The following RFX4 variants were observed in gnomAD, a reference collection of about 807,000 sequenced individuals.
RFX4 encodes regulatory factor X4.
RFX4 carries 10 observed loss-of-function variants against 95.0 expected under a neutral mutation model. The ratio of observed to expected loss-of-function variants is 0.11; its 90% CI spans 0.06 to 0.18. The LOEUF is 0.18. Ranked by LOEUF, RFX4 falls within the 10% of genes least tolerant of loss-of-function variation. RFX4 has a pLI of 1.00. For missense variants in RFX4, 640 were observed against 922.0 expected (o/e 0.69, Z 3.96); for synonymous variants, 321 against 340.7 (o/e 0.94, Z 0.64).
chr12:106,610,601 A>G (rs2039940548), intron 2 of RFX4, among the ~76,000 whole-genome samples: 1 of 152,264 alleles, frequency 6.6e-6, no homozygotes, highest in Non-Finnish European at 1.5e-5. Flanking sequence ...CACTTAGCAT[A>G]ATGCCTTCAA....
At chr12:106,644,940 G>C (rs1057048600) in intron 3 of RFX4, among the ~76,000 whole-genome samples, 1 of 151,680 alleles carries the variant, frequency 6.6e-6, no homozygotes, top group African/African-American at 2.4e-5. Flanking sequence ...CCACCCGCCT[G>C]ACAGTGTCGA....
chr12:106,628,180 C>T (rs770944564), intron 2 of RFX4, among the ~76,000 whole-genome samples: 3 of 152,166 alleles, frequency 2.0e-5, no homozygotes, highest in Non-Finnish European at 4.4e-5. Context: ...GTCTATCTGT[C>T]CTCTCTTCAC....
intron 1 of RFX4, among the ~76,000 whole-genome samples, chr12:106,591,147 T>C (rs1003383632): frequency 3.3e-5 from 5 of 152,022 alleles, no homozygotes; most frequent in African/African-American, 7.2e-5. Flanking sequence ...CTTTCTTTCT[T>C]TTTTTCATTA....
intron 13 of RFX4, among the ~76,000 whole-genome samples, chr12:106,727,318 A>C (rs1173291571): frequency 6.6e-6 from 1 of 152,210 alleles, no homozygotes; most frequent in African/African-American, 2.4e-5. Flanking sequence ...TTAGCAAACT[A>C]GGAATAGAAG....
At chr12:106,642,022 T>TATCTATATCTATATCTA (rs2040641069) in intron 3 of RFX4, among the ~76,000 whole-genome samples, 1 of 151,006 alleles carries the variant, frequency 6.6e-6, no homozygotes, top group African/African-American at 2.4e-5. Context: ...TCTATATCTA[T>TATCTATATCTATATCTA]TTTTTGAGAT....
chr12:106,722,888 C>T (rs1001478327), intron 13 of RFX4, among the ~76,000 whole-genome samples: 3 of 152,242 alleles, frequency 2.0e-5, no homozygotes, highest in African/African-American at 7.2e-5. Flanking sequence ...GTCATGTGTT[C>T]CCTGTATGAA....
intron 4 of RFX4, among the ~76,000 whole-genome samples, chr12:106,673,062 A>T (rs1331747878): frequency 1.3e-5 from 2 of 152,180 alleles, no homozygotes; most frequent in African/African-American, 4.8e-5. Flanking sequence ...AACAGAACTA[A>T]ATATTCCAAC....
intron 4 of RFX4, among the ~76,000 whole-genome samples, chr12:106,671,320 C>A (rs2041276295): frequency 6.6e-6 from 1 of 152,024 alleles, no homozygotes; most frequent in Admixed American, 6.5e-5. Flanking sequence ...TGATCAAGAT[C>A]ATATTATTTG....
At chr12:106,729,019 A>C (rs922686561) in intron 13 of RFX4, among the ~76,000 whole-genome samples, 3 of 152,234 alleles carry the variant, frequency 2.0e-5, no homozygotes, top group Non-Finnish European at 4.4e-5. Context: ...TCCCTAAAGT[A>C]CCGGCTTCCA....
intron 2 of RFX4, among the ~76,000 whole-genome samples, chr12:106,619,006 C>A (rs868416592): frequency 6.6e-6 from 1 of 152,144 alleles, no homozygotes; most frequent in Non-Finnish European, 1.5e-5. Flanking sequence ...CCACTTCAAG[C>A]TCAGTGAAAG....
In RFX4 at chr12:106,601,230, G is replaced by A. The variant is rs573249755; in HGVS notation, c.44-7567G>A. The A allele has an allele frequency of 4.6e-5, 71 of 1,553,348 alleles. 1 individual carries two copies. In the South Asian group the frequency reaches 6.4e-4, roughly 14 times the overall value. On this transcript the variant is annotated intron_variant, in intron 1 of 17. Transcript: ENST00000392842. ...CTCCAAACTCCTGTGTGTCGCCACT[G>A]CCACCGGCAGGGAGCCAGGAGAGAG...
chr12:106,651,776 G>A (rs1036060037), intron 3 of RFX4, among the ~76,000 whole-genome samples: 3 of 152,148 alleles, frequency 2.0e-5, no homozygotes, highest in South Asian at 2.1e-4. Flanking sequence ...GTTGTCGTGC[G>A]GGAATATGGG....
chr12:106,708,827 A>G (rs560055420), intron 8 of RFX4, among the ~76,000 whole-genome samples: 2 of 152,276 alleles, frequency 1.3e-5, no homozygotes, highest in South Asian at 4.1e-4. Flanking sequence ...CTTGGAATCT[A>G]ATATGGTTTC....
chr12:106,711,105 C>T (rs570879311), intron 9 of RFX4, among the ~76,000 whole-genome samples: 5 of 152,252 alleles, frequency 3.3e-5, no homozygotes, highest in South Asian at 2.1e-4. Flanking sequence ...CAATTATTTA[C>T]GGGGAGAAGT....
chr12:106,741,288 C>CA (rs958014936), intron 15 of RFX4, among the ~76,000 whole-genome samples: 67 of 149,484 alleles, frequency 4.5e-4, no homozygotes, highest in African/African-American at 1.4e-3. Context: ...TCTCAAAAAA[C>CA]AAAAAAAAAG....
At position 106,646,431 on chromosome 12, in the gene RFX4, CAAAAAAAAA is replaced by C. The variant is rs56305939; in HGVS notation, c.191+7059_191+7067del. 3.5e-3 allele frequency among the ~76,000 whole-genome samples: 229 copies of C among 66,268 alleles called. 2 individuals are homozygous for C. In the East Asian group the frequency reaches 0.091, roughly 26 times the overall value. 43.5% of individuals were successfully genotyped at this position (66,268 alleles called of 152,430 possible). A position where few individuals can be genotyped will look rare whatever the true frequency, so the allele number is the denominator to read the frequency against. On this transcript the variant is annotated intron_variant, in intron 3 of 17. Transcript: ENST00000392842. ...GCTTAATACATTGCCTAGTTTTATC[CAAAAAAAAA>C]AAAAAAAAAAAAAAAAAAAGAGGGG...
intron 15 of RFX4, among the ~76,000 whole-genome samples, chr12:106,745,991 C>A (rs894147875): frequency 6.6e-6 from 1 of 152,028 alleles, no homozygotes; most frequent in Non-Finnish European, 1.5e-5. Flanking sequence ...CTTTGGAAGG[C>A]CGAGGTAGGA....
chr12:106,746,592 T>G (rs1026835487), intron 15 of RFX4, among the ~76,000 whole-genome samples: 2 of 152,072 alleles, frequency 1.3e-5, no homozygotes, highest in Admixed American at 6.6e-5. Context: ...TTGTCAGGTT[T>G]TTATCCCCCA....
intron 1 of RFX4, among the ~76,000 whole-genome samples, chr12:106,608,053 C>T (rs978433606): frequency 2.8e-4 from 42 of 152,056 alleles, no homozygotes; most frequent in African/African-American, 9.7e-4. Flanking sequence ...ATTAGCCGAA[C>T]TTGGTGGCGG....
Sources: allele counts gnomAD v4.1 joint callset (sites outside exome capture counted in the v4.1 genomes callset), GRCh38; gene constraint gnomAD v4.1.1; transcripts MANE v1.5; gene names NCBI Gene and HGNC (gene_info 2026-07-23, HGNC 2026-07-21).